PCDH9: variants seen among roughly 807,000 people sequenced by gnomAD.
The protein encoded by PCDH9 is protocadherin 9, also known as protocadherin-9.
Under a neutral mutation model 70.6 loss-of-function variants are expected in PCDH9, and 24 were observed. The ratio of observed to expected loss-of-function variants is 0.34; its 90% CI spans 0.25 to 0.48. The LOEUF (loss-of-function observed/expected upper bound fraction) is 0.48. Ranked by LOEUF, PCDH9 falls within the 20% of genes least tolerant of loss-of-function variation. The probability of loss-of-function intolerance (pLI) is 0.99; values close to 1 mark genes in which losing one functional copy is unlikely to be tolerated. For missense variants in PCDH9, 1,281 were observed against 1,503.6 expected (o/e 0.85, Z 2.45); for synonymous variants, 562 against 558.5 (o/e 1.01, Z -0.09).
At chr13:67,154,595 A>ATATATAT (rs1206022574) in intron 2 of PCDH9, among the ~76,000 whole-genome samples, 4 of 89,000 alleles carry the variant, frequency 4.5e-5, no homozygotes, top group Non-Finnish European at 6.4e-5. Flanking sequence ...AAAAAAAAAA[A>ATATATAT]ATATATATAT....
intron 2 of PCDH9, among the ~76,000 whole-genome samples, chr13:67,072,875 C>G (rs1048342431): frequency 9.2e-5 from 14 of 152,048 alleles, no homozygotes; most frequent in Non-Finnish European, 1.5e-5. Flanking sequence ...TCTGTTACTG[C>G]TGGAAAGTTT....
At chr13:66,320,664 T>C (rs1955738469) in intron 4 of PCDH9, among the ~76,000 whole-genome samples, 1 of 151,972 alleles carries the variant, frequency 6.6e-6, no homozygotes, top group South Asian at 2.1e-4. Flanking sequence ...ACTAATGAAT[T>C]ACTTGGGGTA....
chr13:66,861,699 C>A (rs532712483), intron 3 of PCDH9, among the ~76,000 whole-genome samples: 22 of 152,242 alleles, frequency 1.4e-4, no homozygotes, highest in Middle Eastern at 3.4e-3. Flanking sequence ...CCATTACATA[C>A]AACTCACCCA....
At chr13:66,958,303 C>T (rs1313223374) in intron 2 of PCDH9, among the ~76,000 whole-genome samples, 5 of 152,120 alleles carry the variant, frequency 3.3e-5, no homozygotes, top group Non-Finnish European at 5.9e-5. Context: ...ATGAAAAACA[C>T]GGAATTCTAT....
At chr13:66,818,414 A>C in intron 3 of PCDH9, among the ~76,000 whole-genome samples, 1 of 152,230 alleles carries the variant, frequency 6.6e-6, no homozygotes, top group Admixed American at 6.5e-5. Context: ...AAATTTAATT[A>C]GTATTTAACT....
At chr13:66,371,274 A>C (rs1359278463) in intron 4 of PCDH9, among the ~76,000 whole-genome samples, 1 of 152,114 alleles carries the variant, frequency 6.6e-6, no homozygotes, top group Non-Finnish European at 1.5e-5. Context: ...ACATGGGAAA[A>C]GTGAGGGAAT....
At chr13:66,779,870 T>TAC (rs2079966662) in intron 3 of PCDH9, among the ~76,000 whole-genome samples, 4 of 64,448 alleles carry the variant, frequency 6.2e-5, no homozygotes, top group African/African-American at 1.6e-4. Context: ...TATATATACA[T>TAC]ATATGTGTGT....
chr13:66,810,514 T>C (rs1207703547), intron 3 of PCDH9, among the ~76,000 whole-genome samples: 2 of 152,034 alleles, frequency 1.3e-5, no homozygotes. Flanking sequence ...ATATAATAAA[T>C]GTAAAGTACT....
At chr13:67,113,701 T>C (rs868691443) in intron 2 of PCDH9, among the ~76,000 whole-genome samples, 44 of 152,126 alleles carry the variant, frequency 2.9e-4, no homozygotes, top group African/African-American at 4.3e-4. Context: ...GCGCCCGCCA[T>C]CACGCCCGGC....
At chr13:66,672,398 T>C (rs2078187702) in intron 3 of PCDH9, among the ~76,000 whole-genome samples, 1 of 152,086 alleles carries the variant, frequency 6.6e-6, no homozygotes, top group Admixed American at 6.5e-5. Context: ...TCAGAGGATG[T>C]ATGGAAATGC....
chr13:66,324,342 A>G (rs2138097299), intron 4 of PCDH9, among the ~76,000 whole-genome samples: 1 of 152,164 alleles, frequency 6.6e-6, no homozygotes, highest in Non-Finnish European at 1.5e-5. Flanking sequence ...GGTGTTTTTG[A>G]ACTGTCCAAG....
At chr13:66,901,941 A>T (rs2082282585) in intron 3 of PCDH9, among the ~76,000 whole-genome samples, 1 of 151,672 alleles carries the variant, frequency 6.6e-6, no homozygotes, top group South Asian at 2.1e-4. Context: ...GAAATCTGAA[A>T]TCCACTTGGA....
At chr13:66,959,340 G>A (rs931128918) in intron 2 of PCDH9, among the ~76,000 whole-genome samples, 4 of 152,038 alleles carry the variant, frequency 2.6e-5, no homozygotes, top group Non-Finnish European at 5.9e-5. Flanking sequence ...TTCTATAAAA[G>A]TATCTGTCAA....
chr13:66,584,983 G>A (rs2076943257), intron 4 of PCDH9, among the ~76,000 whole-genome samples: 2 of 152,064 alleles, frequency 1.3e-5, no homozygotes, highest in Admixed American at 1.3e-4. Context: ...ACAGAAAATT[G>A]TTTGTAGAAA....
chr13:66,616,832 T>A, intron 4 of PCDH9, among the ~76,000 whole-genome samples: 1 of 152,084 alleles, frequency 6.6e-6, no homozygotes, highest in East Asian at 1.9e-4. Context: ...AGTTCCGCAG[T>A]TTCACCTTAG....
At chr13:66,944,719 C>T (rs1399273461) in intron 2 of PCDH9, among the ~76,000 whole-genome samples, 32 of 152,112 alleles carry the variant, frequency 2.1e-4, no homozygotes, top group Admixed American at 2.1e-3. Flanking sequence ...GTTGTGCACA[C>T]AGCTCTGCCT....
intron 4 of PCDH9, among the ~76,000 whole-genome samples, chr13:66,338,280 C>T (rs753028181): frequency 1.3e-4 from 20 of 152,030 alleles, no homozygotes; most frequent in Admixed American, 9.9e-4. Flanking sequence ...GTCTATATTA[C>T]AACAATCCTT....
intron 3 of PCDH9, among the ~76,000 whole-genome samples, chr13:66,700,923 AATATATATATATATATATATATAT>A (rs58852431): frequency 1.1e-3 from 63 of 58,456 alleles, no homozygotes; most frequent in Middle Eastern, 0.012. Context: ...TGTACATATA[AATATATATATATATATATATATAT>A]ATATATATAT....
chr13:66,761,554 CCT>C (rs1233304156), intron 3 of PCDH9, among the ~76,000 whole-genome samples: 4 of 152,094 alleles, frequency 2.6e-5, no homozygotes, highest in South Asian at 4.1e-4. Context: ...TTTTTTCTCC[CCT>C]GACTCTATGA....
Sources: allele counts gnomAD v4.1 joint callset (sites outside exome capture counted in the v4.1 genomes callset), GRCh38; gene constraint gnomAD v4.1.1; transcripts MANE v1.5; gene names NCBI Gene and HGNC (gene_info 2026-07-23, HGNC 2026-07-21).